Variants in ESRRG observed in about 807,000 individuals in gnomAD.
ESRRG encodes the protein estrogen-related receptor gamma.
ESRRG carries 13 observed loss-of-function variants against 44.0 expected under a neutral mutation model. The ratio of observed to expected loss-of-function variants is 0.30; its 90% CI spans 0.19 to 0.47. The LOEUF is 0.47. Ranked by LOEUF, ESRRG falls within the 20% of genes least tolerant of loss-of-function variation. The pLI, the probability that ESRRG is intolerant of heterozygous loss-of-function variation, is 1.00. For missense variants in ESRRG, 395 were observed against 580.6 expected (o/e 0.68, Z 3.29); for synonymous variants, 215 against 214.6 (o/e 1.00, Z -0.02).
intron 3 of ESRRG, among the ~76,000 whole-genome samples, chr1:216,603,666 C>T (rs1177405762): frequency 8.5e-5 from 13 of 152,180 alleles, no homozygotes; most frequent in Non-Finnish European, 1.5e-4. Flanking sequence ...CCGTGGCTCA[C>T]GCCTATAATC....
intron 6 of ESRRG, among the ~76,000 whole-genome samples, chr1:216,517,126 A>T (rs2044580001): frequency 6.6e-6 from 1 of 152,188 alleles, no homozygotes; most frequent in African/African-American, 2.4e-5. Context: ...TTTGGGACAG[A>T]GACTTTTTTT....
chr1:216,944,089 C>A (rs956334516), intron 1 of ESRRG, among the ~76,000 whole-genome samples: 1 of 152,118 alleles, frequency 6.6e-6, no homozygotes, highest in Non-Finnish European at 1.5e-5. Context: ...TTAGATACAG[C>A]TTTTTCAGTG....
intron 1 of ESRRG, among the ~76,000 whole-genome samples, chr1:217,123,761 TA>T (rs1412176082): frequency 6.7e-6 from 1 of 149,842 alleles, no homozygotes; most frequent in Non-Finnish European, 1.5e-5. Flanking sequence ...TAGGGGAGAG[TA>T]GGGGGGCAGC....
chr1:216,847,999 A>G (rs1220245083), intron 2 of ESRRG, among the ~76,000 whole-genome samples: 1 of 152,168 alleles, frequency 6.6e-6, no homozygotes, highest in Non-Finnish European at 1.5e-5. Flanking sequence ...ATAAACATTT[A>G]GAGGCAGATA....
intron 3 of ESRRG, among the ~76,000 whole-genome samples, chr1:216,595,247 G>C (rs1395982058): frequency 6.6e-6 from 1 of 152,114 alleles, no homozygotes; most frequent in Non-Finnish European, 1.5e-5. Flanking sequence ...ACCTGGGAAG[G>C]CTTACTTATG....
chr1:217,051,999 G>A (rs1447566979), intron 1 of ESRRG, among the ~76,000 whole-genome samples: 1 of 151,998 alleles, frequency 6.6e-6, no homozygotes, highest in Non-Finnish European at 1.5e-5. Flanking sequence ...TCAAACTCCT[G>A]GGCTCAAGCA....
intron 3 of ESRRG, among the ~76,000 whole-genome samples, chr1:216,577,902 C>T (rs2061989040): frequency 6.6e-6 from 1 of 151,892 alleles, no homozygotes; most frequent in African/African-American, 2.4e-5. Context: ...CAAAGAGGAA[C>T]TTATGGAAAT....
At chr1:216,691,297 A>T (rs1227982087) in intron 1 of ESRRG, among the ~76,000 whole-genome samples, 2 of 152,214 alleles carry the variant, frequency 1.3e-5, no homozygotes, top group Non-Finnish European at 2.9e-5. Context: ...CATACAAAGT[A>T]GAACGTATTA....
chr1:216,818,786 C>T (rs114647584), intron 2 of ESRRG, among the ~76,000 whole-genome samples: 1 of 152,070 alleles, frequency 6.6e-6, no homozygotes, highest in African/African-American at 2.4e-5. Context: ...CTACCGCAGC[C>T]CCCAGTGTGT....
chr1:216,689,319 C>T (rs1354921359), intron 1 of ESRRG, among the ~76,000 whole-genome samples: 1 of 152,078 alleles, frequency 6.6e-6, no homozygotes, highest in Non-Finnish European at 1.5e-5. Context: ...TGGCTCACTA[C>T]CTAAGTTTCC....
At chr1:216,987,580 G>A (rs1415358020) in intron 1 of ESRRG, among the ~76,000 whole-genome samples, 1 of 152,172 alleles carries the variant, frequency 6.6e-6, no homozygotes. Flanking sequence ...CTATTCTGTA[G>A]AAGAGTTTGG....
At chr1:216,661,184 T>C (rs1034004465) in intron 2 of ESRRG, among the ~76,000 whole-genome samples, 6 of 152,216 alleles carry the variant, frequency 3.9e-5, no homozygotes, top group Admixed American at 6.5e-5. Context: ...TCCTACATGA[T>C]GTGTACAGTC....
chr1:216,977,227 T>C (rs2073111897), intron 1 of ESRRG, among the ~76,000 whole-genome samples: 2 of 152,014 alleles, frequency 1.3e-5, no homozygotes, highest in African/African-American at 2.4e-5. Flanking sequence ...TCTAGGGTAT[T>C]GGACCTATCT....
chr1:216,751,626 C>A (rs1011808355), intron 2 of ESRRG, among the ~76,000 whole-genome samples: 1 of 152,014 alleles, frequency 6.6e-6, no homozygotes, highest in Non-Finnish European at 1.5e-5. Context: ...GGCCTGGGAG[C>A]CACCAGTAGA....
intron 1 of ESRRG, among the ~76,000 whole-genome samples, chr1:217,077,333 G>A (rs1458770414): frequency 6.6e-6 from 1 of 152,126 alleles, no homozygotes; most frequent in African/African-American, 2.4e-5. Context: ...ATAGAAAGGG[G>A]GCATGGGCTT....
chr1:216,927,786 G>A lies in ESRRG; in HGVS notation c.-14+11796C>T, dbSNP rs568755481. On this transcript the variant is annotated intron_variant, in intron 2 of 7. Transcript: ENST00000359162. The stretch of plus-strand genomic sequence containing the variant: ...CGGGGCTCCCAGATCATGAAGGAGA[G>A]CACTAGCTTTGCATGGGATATGACG... 6.6e-5 allele frequency among the ~76,000 whole-genome samples: 10 copies of A among 152,332 alleles called. No individual in the cohort carries two copies. In the East Asian group the frequency reaches 1.4e-3, roughly 21 times the overall value.
chr1:216,960,243 C>A (rs1279571341), intron 1 of ESRRG, among the ~76,000 whole-genome samples: 3 of 151,998 alleles, frequency 2.0e-5, no homozygotes, highest in African/African-American at 7.2e-5. Context: ...ACATGTATAT[C>A]ATATATGTAG....
chr1:216,711,504 C>G (rs767963262), intron 1 of ESRRG, among the ~76,000 whole-genome samples: 1 of 152,018 alleles, frequency 6.6e-6, no homozygotes, highest in African/African-American at 2.4e-5. Flanking sequence ...GTTTTGAAAC[C>G]CTTTACCCTT....
intron 2 of ESRRG, among the ~76,000 whole-genome samples, chr1:216,924,847 T>C (rs2062317946): frequency 6.6e-6 from 1 of 152,132 alleles, no homozygotes; most frequent in Non-Finnish European, 1.5e-5. Flanking sequence ...GTACCCAAGA[T>C]ACTCTTTTCA....
Sources: allele counts gnomAD v4.1 joint callset (sites outside exome capture counted in the v4.1 genomes callset), GRCh38; gene constraint gnomAD v4.1.1; transcripts MANE v1.5; gene names NCBI Gene and HGNC (gene_info 2026-07-23, HGNC 2026-07-21).